EP300: variants seen among roughly 807,000 people sequenced by gnomAD.
The protein encoded by EP300 is histone acetyltransferase p300.
EP300 carries 31 observed loss-of-function variants against 264.0 expected under a neutral mutation model. That is an observed-to-expected ratio of 0.12 (90% confidence interval 0.09 to 0.16). EP300 has a LOEUF of 0.16. Ranked by LOEUF, EP300 falls within the 10% of genes least tolerant of loss-of-function variation. The probability of loss-of-function intolerance (pLI) is 1.00; values close to 1 mark genes in which losing one functional copy is unlikely to be tolerated. For missense variants in EP300, 2,766 were observed against 3,052.9 expected, an observed-to-expected ratio of 0.91 and a Z score of 2.21; for synonymous variants, 1,340 against 1,045.4, an observed-to-expected ratio of 1.28 and a Z score of -5.44.
intron 29 of EP300, among the ~76,000 whole-genome samples, chr22:41,174,265 G>A (rs1175025872): frequency 2.6e-5 from 4 of 151,930 alleles, no homozygotes; most frequent in Admixed American, 6.5e-5. Flanking sequence ...CCGAAACCCC[G>A]TCTCTACTAA....
chr22:41,103,865 T>C (rs771477804), intron 1 of EP300, among the ~76,000 whole-genome samples: 2 of 152,220 alleles, frequency 1.3e-5, no homozygotes, highest in African/African-American at 2.4e-5. Context: ...GCAGGAAGAC[T>C]AGGAGTACAT....
At chr22:41,153,481 TC>T (rs1436061587) in intron 16 of EP300, among the ~76,000 whole-genome samples, 4 of 152,178 alleles carry the variant, frequency 2.6e-5, no homozygotes, top group African/African-American at 9.6e-5. Context: ...AAATGTGTGT[TC>T]CCTCATGCCT....
chr22:41,104,224 A>G (rs995426864), intron 1 of EP300, among the ~76,000 whole-genome samples: 1 of 152,198 alleles, frequency 6.6e-6, no homozygotes, highest in Non-Finnish European at 1.5e-5. Flanking sequence ...CTTACTATAA[A>G]ACATGTCCTT....
At chr22:41,106,770 A>AT (rs130086) in intron 1 of EP300, among the ~76,000 whole-genome samples, 152,091 of 152,096 alleles carry the variant, frequency 1, 76,043 homozygotes, top group Middle Eastern at 1. Flanking sequence ...TAATTTTTAA[A>AT]TTTTTTTGTA....
At chr22:41,106,070 TGATTA>T (rs1247886981) in intron 1 of EP300, among the ~76,000 whole-genome samples, 7 of 152,358 alleles carry the variant, frequency 4.6e-5, no homozygotes, top group Non-Finnish European at 7.4e-5. Flanking sequence ...GTTGTTTATA[TGATTA>T]GATAATTCTT....
intron 10 of EP300, among the ~76,000 whole-genome samples, chr22:41,146,235 G>A (rs1424799313): frequency 6.6e-6 from 1 of 150,856 alleles, no homozygotes; most frequent in Non-Finnish European, 1.5e-5. Flanking sequence ...TGTGATCTTG[G>A]CTCACTGCAA....
At chr22:41,160,797 G>T in intron 20 of EP300, 75 bp downstream of exon 20, 1 of 1,352,834 alleles carries the variant, frequency 7.4e-7, no homozygotes, top group Non-Finnish European at 1.1e-6. Context: ...ATTTCTAAAT[G>T]AACTTAAGCT....
rs973317775 is a variant in EP300 at position 41,141,141 on chromosome 22, C to A, written c.1972C>A (p.Leu658Ile). Reference protein sequence around the residue: ...RRTRLQKQNMLPNAAGMVPVS... With the variant: ...RRTRLQKQNMIPNAAGMVPVS... ...GACCAGACTACAGAAGCAGAACATG[C>A]TACCAAATGCTGCAGGCATGGTTCC... Residue 658 changes from leucine to isoleucine, a missense_variant, in exon 10 of 31, where the codon CTA becomes ATA. Leu to Ile is a conservative substitution (Grantham distance 5). Coordinates refer to ENST00000263253, the MANE Select transcript of EP300 (RefSeq NM_001429.4). The A allele has an allele frequency of 4.3e-6, 7 of 1,614,032 alleles. No individual in the cohort carries two copies. The Admixed American group carries it at 5.0e-5, about 12-fold the overall frequency.
intron 1 of EP300, among the ~76,000 whole-genome samples, chr22:41,109,229 G>A (rs1270919327): frequency 6.7e-6 from 1 of 149,662 alleles, no homozygotes; most frequent in Non-Finnish European, 1.5e-5. Flanking sequence ...ACTCCAGGCT[G>A]GGCGACAGAG....
rs745492786 is a variant in EP300 at position 41,158,469 on chromosome 22, C to T, written c.3559C>T (p.Arg1187Cys). The part of the protein sequence containing the change: ...CYGKQLCTIP[R>C]DATYYSYQNR... ...CGGCAAACAGTTGTGCACAATACCTCGTGATGCCACTTATTACAGTTACCA... is the reference window on the plus strand; with the variant it reads ...CGGCAAACAGTTGTGCACAATACCTTGTGATGCCACTTATTACAGTTACCA... Residue 1187 changes from arginine (R) to cysteine (C), a missense_variant, in exon 19 of 31, where the codon CGT becomes TGT. Coordinates refer to ENST00000263253, the MANE Select transcript of EP300 (RefSeq NM_001429.4). 5 of 1,614,048 alleles carry T rather than the reference C, an allele frequency of 3.1e-6. No individual in the cohort carries two copies. The highest frequency in any genetic ancestry group is 2.5e-6 in the Non-Finnish European group (3 of 1,180,016).
At chr22:41,175,843 T>C (rs1464203844) in intron 29 of EP300, among the ~76,000 whole-genome samples, 1 of 152,204 alleles carries the variant, frequency 6.6e-6, no homozygotes, top group Non-Finnish European at 1.5e-5. Flanking sequence ...CTATTTATAG[T>C]CAGTCTCAAG....
intron 27 of EP300, among the ~76,000 whole-genome samples, chr22:41,171,977 C>T (rs1378458380): frequency 2.6e-5 from 4 of 152,176 alleles, no homozygotes; most frequent in Non-Finnish European, 4.4e-5. Flanking sequence ...ATGATACAGA[C>T]TTGTCTTCCT....
chr22:41,150,911 A>T (rs2145738762), intron 14 of EP300, among the ~76,000 whole-genome samples: 1 of 151,732 alleles, frequency 6.6e-6, no homozygotes, highest in African/African-American at 2.4e-5. Flanking sequence ...AAAAAATTGC[A>T]GATTTATGAG....
intron 1 of EP300, among the ~76,000 whole-genome samples, chr22:41,111,478 A>G (rs1039809843): frequency 3.9e-5 from 6 of 152,280 alleles, no homozygotes; most frequent in Non-Finnish European, 7.4e-5. Context: ...TGAACTTTCT[A>G]TGTCAACAGT....
Position 41,131,469 on chromosome 22 carries a change from C to G in EP300, c.1364C>G (p.Thr455Ser), listed in dbSNP as rs772616175. ...VGQQSAPNLS[T>S]VSQIDPSSIE... ...CAACAGTCTGCCCCCAACCTAAGCA[C>G]TGTTAGTCAGATTGATCCCAGCTCC... The change falls in exon 6 of 31, where the codon ACT (threonine) becomes AGT (serine). Residue 455 changes from threonine (T) to serine (S), a missense_variant. By Grantham distance (58) the Thr-to-Ser change is moderately conservative. Coordinates refer to ENST00000263253, the MANE Select transcript of EP300 (RefSeq NM_001429.4). The G allele has an allele frequency of 1.9e-6, 3 of 1,614,110 alleles. No individual in the cohort carries two copies. The South Asian group carries it at 3.3e-5, about 18-fold the overall frequency.
At chr22:41,165,463 GC>G (rs1425818952) in intron 22 of EP300, among the ~76,000 whole-genome samples, 1 of 151,794 alleles carries the variant, frequency 6.6e-6, no homozygotes, top group Non-Finnish European at 1.5e-5. Flanking sequence ...CGCTCTTGTT[GC>G]CCAGGCTGGA....
chr22:41,140,364 C>T (rs977717774), intron 9 of EP300, 107 bp downstream of exon 9: 3 of 820,860 alleles, frequency 3.7e-6, no homozygotes, highest in Non-Finnish European at 6.5e-6. Context: ...ACGGGGGACA[C>T]GCTGTAGCTA....
At chr22:41,128,727 C>T (rs535123039) in intron 4 of EP300, among the ~76,000 whole-genome samples, 120 of 151,884 alleles carry the variant, frequency 7.9e-4, no homozygotes, top group African/African-American at 2.9e-3. Flanking sequence ...TGGCCAGGAT[C>T]GTCTCAATCT....
chr22:41,105,472 C>T (rs1156559237), intron 1 of EP300, among the ~76,000 whole-genome samples: 2 of 151,844 alleles, frequency 1.3e-5, no homozygotes, highest in Admixed American at 6.6e-5. Context: ...AGTCTCCACT[C>T]ACTGCAGCCT....
Sources: gnomAD v4.1 joint callset for allele counts (sites outside exome capture counted in the v4.1 genomes callset) on GRCh38, gnomAD v4.1.1 for gene constraint, MANE v1.5 for transcripts, NCBI Gene and HGNC (gene_info 2026-07-23, HGNC 2026-07-21) for gene names.